The following DPP6 variants were observed in gnomAD, a reference collection of about 807,000 sequenced individuals.
DPP6 encodes dipeptidyl peptidase like 6.
Under a neutral mutation model 122.6 loss-of-function variants are expected in DPP6, and 69 were observed. The observed-to-expected ratio is 0.56, with a 90% CI of 0.46 to 0.69. The LOEUF is 0.69. Among genes scored for constraint, DPP6 ranks in the 30% least tolerant of loss-of-function variants. The pLI is 0.00. For missense variants in DPP6, 928 were observed against 1,116.9 expected (o/e 0.83, Z 2.41); for synonymous variants, 418 against 433.1 (o/e 0.97, Z 0.43).
chr7:154,594,536 A>G (rs191969487), intron 5 of DPP6, among the ~76,000 whole-genome samples: 235 of 152,336 alleles, frequency 1.5e-3, no homozygotes, highest in African/African-American at 5.2e-3. Flanking sequence ...GCCAGATACC[A>G]TTTGGATTAT....
At chr7:153,811,488 T>C in the DPP6 span, among the ~76,000 whole-genome samples, 5 of 152,180 alleles carry the variant, frequency 3.3e-5, no homozygotes, top group Non-Finnish European at 7.3e-5. Flanking sequence ...AAAATTTGAG[T>C]CGTCCACTTC....
At chr7:154,661,756 G>A (rs1837682357) in intron 6 of DPP6, among the ~76,000 whole-genome samples, 1 of 146,168 alleles carries the variant, frequency 6.8e-6, no homozygotes, top group Non-Finnish European at 1.5e-5. Flanking sequence ...AATCACCATG[G>A]CGTGTTGGCC....
intron 1 of DPP6, among the ~76,000 whole-genome samples, chr7:154,006,259 G>A (rs1264994386): frequency 6.6e-6 from 1 of 152,014 alleles, no homozygotes; most frequent in Non-Finnish European, 1.5e-5. Context: ...TTTTCCCTTG[G>A]TGCTTGGTGG....
intron 17 of DPP6, among the ~76,000 whole-genome samples, chr7:154,864,287 A>G (rs1487829723): frequency 1.3e-5 from 2 of 152,178 alleles, no homozygotes; most frequent in Admixed American, 1.3e-4. Context: ...TGGTGATTCC[A>G]TCAATCCCCT....
At chr7:154,007,107 T>C (rs1797945245) in intron 1 of DPP6, among the ~76,000 whole-genome samples, 2 of 152,192 alleles carry the variant, frequency 1.3e-5, no homozygotes. Flanking sequence ...TCTGTGTGAC[T>C]TCCATGGGGA....
chr7:154,060,338 CA>C (rs1166819745), intron 1 of DPP6, among the ~76,000 whole-genome samples: 1 of 130,508 alleles, frequency 7.7e-6, no homozygotes. Flanking sequence ...GAGGGGGAGG[CA>C]CCCCCCGCGA....
At chr7:154,891,382 T>C (rs975448526) in intron 25 of DPP6, among the ~76,000 whole-genome samples, 3 of 152,154 alleles carry the variant, frequency 2.0e-5, no homozygotes, top group Non-Finnish European at 2.9e-5. Flanking sequence ...TGAGCCCACA[T>C]TCCAGGCCTC....
chr7:154,887,603 C>T, intron 22 of DPP6, 73 bp from the exon 23 acceptor site: 2 of 1,511,520 alleles, frequency 1.3e-6, no homozygotes, highest in South Asian at 2.2e-5. Flanking sequence ...CCAGGGCCCT[C>T]CCTAGAGTTT....
At chr7:154,866,824 CT>C (rs1382444417) in intron 17 of DPP6, among the ~76,000 whole-genome samples, 1 of 152,152 alleles carries the variant, frequency 6.6e-6, no homozygotes, top group Non-Finnish European at 1.5e-5. Flanking sequence ...CCATTTCCCC[CT>C]GTTCCTCTAC....
intron 1 of DPP6, among the ~76,000 whole-genome samples, chr7:154,207,694 G>C (rs1447183068): frequency 6.6e-6 from 1 of 152,232 alleles, no homozygotes; most frequent in East Asian, 1.9e-4. Context: ...AATATACAGA[G>C]TATATCTGGA....
At chr7:154,831,715 A>T (rs1175327531) in intron 16 of DPP6, among the ~76,000 whole-genome samples, 1 of 152,324 alleles carries the variant, frequency 6.6e-6, no homozygotes, top group South Asian at 2.1e-4. Flanking sequence ...TTTCATGACA[A>T]GAAAGCTTAC....
rs1435232726 is a variant in DPP6, at chr7:154,241,211, G to GTA, written c.243+188149_243+188150insAT. Among the ~76,000 whole-genome samples the GTA allele has an allele frequency of 2.7e-5, 4 of 149,876 alleles. No homozygotes were observed. The highest frequency in any genetic ancestry group is 5.9e-5 in the Non-Finnish European group (4 of 67,936). On this transcript the variant is annotated intron_variant, in intron 1 of 25. Transcript: ENST00000377770. This position sits in a 1 kb window ranked among gnomAD's most constrained non-coding sequence, Gnocchi z 9.0. ...TGTGTGTGTGTGTGTGTGTGTGTGT[G>GTA]TGTGTGTGTATATATATATAGAGAG...
At chr7:154,022,528 G>A (rs183765718) in intron 1 of DPP6, among the ~76,000 whole-genome samples, 93 of 152,338 alleles carry the variant, frequency 6.1e-4, no homozygotes, top group Middle Eastern at 3.4e-3. Context: ...AAGAGTTTTA[G>A]GCAATGCCTA....
At chr7:153,957,655 G>C (rs1426215718) in intron 1 of DPP6, among the ~76,000 whole-genome samples, 3 of 152,062 alleles carry the variant, frequency 2.0e-5, no homozygotes, top group Non-Finnish European at 4.4e-5. Flanking sequence ...AAACTTCCTG[G>C]CCTCCAATCC....
At chr7:153,831,408 AC>A in the DPP6 span, among the ~76,000 whole-genome samples, 4 of 152,164 alleles carry the variant, frequency 2.6e-5, no homozygotes, top group African/African-American at 9.7e-5. Context: ...GGAAATTGAC[AC>A]CTGACCTGAA....
At chr7:154,575,233 G>GA (rs1831494519) in intron 5 of DPP6, among the ~76,000 whole-genome samples, 27 of 124,240 alleles carry the variant, frequency 2.2e-4, no homozygotes, top group Non-Finnish European at 3.7e-4. Flanking sequence ...TGGTGTGTGT[G>GA]TGGTGTTTGT....
At chr7:154,400,923 C>T (rs767726252) in intron 1 of DPP6, among the ~76,000 whole-genome samples, 2 of 152,134 alleles carry the variant, frequency 1.3e-5, no homozygotes, top group African/African-American at 2.4e-5. Context: ...GTATTACTGG[C>T]TGGGCGCAGT....
rs1801639703 is a variant in DPP6, at chr7:154,241,825, C to T, written c.243+188762C>T. The stretch of plus-strand genomic sequence containing the variant: ...AACTACAGAAAAGAGCCATTTCTTC[C>T]ATTTCTCTAAAACATAGCCCTGTGT... On this transcript the variant is annotated intron_variant, in intron 1 of 25. Transcript: ENST00000377770. This position sits in a 1 kb window ranked among gnomAD's most constrained non-coding sequence, Gnocchi z 9.0. 6.6e-6 allele frequency among the ~76,000 whole-genome samples: 1 copy of T among 152,168 alleles called. No homozygotes were observed. Among genetic ancestry groups the T allele is most frequent in the Non-Finnish European group, 1.5e-5 (1 of 68,034 alleles).
Position 154,045,840 on chromosome 7 carries a change from A to G in DPP6, c.51+158106A>G, listed in dbSNP as rs576986070. On this transcript the variant is annotated intron_variant, in intron 1 of 25. Transcript: ENST00000404039. The stretch of plus-strand genomic sequence containing the variant: ...TGATCATCTGCATGAAAGCAAGTTC[A>G]CTGTAGTTCATGATTTCATCCTTAG... Among the ~76,000 whole-genome samples, 57 of 152,328 alleles carry G rather than the reference A, an allele frequency of 3.7e-4. 1 individual carries two copies. Among genetic ancestry groups the G allele is most frequent in the African/African-American group, 1.2e-3 (49 of 41,578 alleles).
Sources: allele counts gnomAD v4.1 joint callset (sites outside exome capture counted in the v4.1 genomes callset), GRCh38; gene constraint gnomAD v4.1.1; non-coding constraint Gnocchi (gnomAD v3.1); transcripts MANE v1.5; gene names NCBI Gene and HGNC (gene_info 2026-07-23, HGNC 2026-07-21).